NRXN3: variants seen among roughly 807,000 people sequenced by gnomAD.
NRXN3 encodes neurexin 3, also known as neurexin III.
A neutral mutation model predicts 137.6 loss-of-function variants in NRXN3; 32 were observed. The ratio of observed to expected loss-of-function variants is 0.23; its 90% CI spans 0.18 to 0.31. NRXN3 has a LOEUF of 0.31. NRXN3 is among the 10% of genes least tolerant of loss of function. The probability of loss-of-function intolerance (pLI) is 1.00; values close to 1 mark genes in which losing one functional copy is unlikely to be tolerated. For missense variants in NRXN3, 1,574 were observed against 2,062.5 expected (o/e 0.76, Z 4.59); for synonymous variants, 798 against 784.5 (o/e 1.02, Z -0.29).
intron 15 of NRXN3, among the ~76,000 whole-genome samples, chr14:79,289,823 CTGTT>C (rs897219072): frequency 1.1e-4 from 17 of 152,136 alleles, no homozygotes; most frequent in African/African-American, 4.1e-4. Flanking sequence ...AATGGCCTGT[CTGTT>C]CACCTGTTGC....
chr14:78,848,839 G>A (rs2099034907), intron 10 of NRXN3, among the ~76,000 whole-genome samples: 1 of 152,114 alleles, frequency 6.6e-6, no homozygotes, highest in South Asian at 2.1e-4. Flanking sequence ...GTAGCTGGGA[G>A]GAGTTGCTGG....
intron 19 of NRXN3, among the ~76,000 whole-genome samples, chr14:79,798,470 A>G (rs2099167485): frequency 1.3e-5 from 2 of 152,200 alleles, no homozygotes; most frequent in African/African-American, 4.8e-5. Flanking sequence ...AGCTGCAGAG[A>G]TGTATGGCTG....
intron 4 of NRXN3, among the ~76,000 whole-genome samples, chr14:78,336,339 CT>C (rs1197325738): frequency 6.6e-6 from 1 of 152,110 alleles, no homozygotes; most frequent in Non-Finnish European, 1.5e-5. Context: ...CCTGAGTTGA[CT>C]CGAAGCTGTG....
intron 16 of NRXN3, among the ~76,000 whole-genome samples, chr14:79,470,942 G>C (rs868401077): frequency 1.2e-5 from 1 of 85,246 alleles, no homozygotes; most frequent in African/African-American, 5.1e-5. Flanking sequence ...GAGAGAGAAA[G>C]AGAGAGAGAG....
At chr14:78,988,770 T>TAC (rs1278491782) in intron 15 of NRXN3, among the ~76,000 whole-genome samples, 1 of 143,684 alleles carries the variant, frequency 7.0e-6, no homozygotes, top group Non-Finnish European at 1.5e-5. Context: ...TGTGTATATA[T>TAC]ATGTGTGTGT....
At chr14:78,962,163 A>G (rs2099409362) in intron 11 of NRXN3, among the ~76,000 whole-genome samples, 1 of 152,182 alleles carries the variant, frequency 6.6e-6, no homozygotes, top group South Asian at 2.1e-4. Context: ...GGGCTTTGGA[A>G]TTAGCACACC....
At chr14:79,836,681 A>G (rs1170394321) in intron 20 of NRXN3, among the ~76,000 whole-genome samples, 1 of 152,140 alleles carries the variant, frequency 6.6e-6, no homozygotes, top group Non-Finnish European at 1.5e-5. Context: ...ATGTATGTGA[A>G]TGTTAGCACA....
At chr14:79,071,938 T>G (rs917667500) in intron 15 of NRXN3, among the ~76,000 whole-genome samples, 1 of 152,176 alleles carries the variant, frequency 6.6e-6, no homozygotes, top group Non-Finnish European at 1.5e-5. Flanking sequence ...CCCATAAATA[T>G]GTACACCTAC....
intron 15 of NRXN3, among the ~76,000 whole-genome samples, chr14:79,161,212 G>T (rs3921885): frequency 7.3e-5 from 11 of 151,662 alleles, no homozygotes; most frequent in South Asian, 2.1e-4. Context: ...GAGTGAAGTG[G>T]GGAAAATTTC....
At position 78,417,512 on chromosome 14, in the gene NRXN3, G is replaced by C. The variant is rs1170752141; in HGVS notation, c.757+119652G>C. 2.0e-5 allele frequency among the ~76,000 whole-genome samples: 3 copies of C among 152,206 alleles called. No individual in the cohort carries two copies. In the East Asian group the frequency reaches 5.8e-4, roughly 29 times the overall value. The stretch of plus-strand genomic sequence containing the variant: ...GCATTATTATGACTTATTTAGGCCT[G>C]TAGCTCTACTACTAGATGGACTGTG... On this transcript the variant is annotated intron_variant, in intron 4 of 20. Coordinates refer to ENST00000335750, the MANE Select transcript of NRXN3 (RefSeq NM_001330195.2).
intron 15 of NRXN3, among the ~76,000 whole-genome samples, chr14:79,103,637 A>G (rs1003158212): frequency 6.6e-6 from 1 of 152,136 alleles, no homozygotes; most frequent in Non-Finnish European, 1.5e-5. Context: ...CATTTCTGAC[A>G]TTCCATTGCC....
chr14:78,957,223 CACTT>C lies in NRXN3; in HGVS notation c.2276-15_2276-12del, dbSNP rs1567816386. 6.2e-7 allele frequency: 1 copy of C among 1,611,968 alleles called. No homozygotes were observed. The highest frequency in any genetic ancestry group is 1.7e-5 in the Admixed American group (1 of 59,722). ...CTTTCAGAATTGATTCTAACTTTGG[CACTT>C]ACTACCATCCTTAGGCAAAGGACCA... On this transcript the variant is annotated splice_polypyrimidine_tract_variant and intron_variant, in intron 10 of 20. Transcript: ENST00000335750.
chr14:79,527,885 A>G (rs933261124), intron 16 of NRXN3, among the ~76,000 whole-genome samples: 1 of 150,580 alleles, frequency 6.6e-6, no homozygotes, highest in Non-Finnish European at 1.5e-5. Flanking sequence ...AAAAAAAAAA[A>G]AAAAAGAAAG....
chr14:79,590,289 C>T (rs371552623), intron 16 of NRXN3, among the ~76,000 whole-genome samples: 6 of 151,970 alleles, frequency 3.9e-5, no homozygotes, highest in East Asian at 3.9e-4. Flanking sequence ...TTTCCCTGCA[C>T]AAGCTCTCTC....
At chr14:79,377,774 C>T (rs1344634130) in intron 15 of NRXN3, among the ~76,000 whole-genome samples, 1 of 152,082 alleles carries the variant, frequency 6.6e-6, no homozygotes, top group African/African-American at 2.4e-5. Flanking sequence ...AAATATGTCT[C>T]AGTAGTGCAG....
At chr14:78,328,280 C>T (rs893031583) in intron 4 of NRXN3, among the ~76,000 whole-genome samples, 24 of 152,150 alleles carry the variant, frequency 1.6e-4, no homozygotes, top group African/African-American at 5.6e-4. Flanking sequence ...TAGACGATGA[C>T]TCTCCAGTTA....
intron 20 of NRXN3, among the ~76,000 whole-genome samples, chr14:79,828,854 C>T (rs1190971563): frequency 6.6e-6 from 1 of 151,968 alleles, no homozygotes; most frequent in African/African-American, 2.4e-5. Flanking sequence ...GGCATTTTTA[C>T]ATCTGCCTAG....
At chr14:78,474,289 T>A (rs1388525777) in intron 4 of NRXN3, among the ~76,000 whole-genome samples, 6 of 152,112 alleles carry the variant, frequency 3.9e-5, no homozygotes, top group Admixed American at 2.0e-4. Context: ...TATATTGGAG[T>A]GTACATAACA....
intron 15 of NRXN3, among the ~76,000 whole-genome samples, chr14:79,021,678 G>GT (rs1277800087): frequency 6.6e-6 from 1 of 152,122 alleles, no homozygotes. Flanking sequence ...CCAAACTGTG[G>GT]TTTTTTAATT....
Sources: allele counts gnomAD v4.1 joint callset (sites outside exome capture counted in the v4.1 genomes callset), GRCh38; gene constraint gnomAD v4.1.1; transcripts MANE v1.5; gene names NCBI Gene and HGNC (gene_info 2026-07-23, HGNC 2026-07-21).